Variants in NSMF observed in about 807,000 individuals in gnomAD.
NSMF encodes NMDA receptor synaptonuclear signaling and neuronal migration factor.
Under a neutral mutation model 71.0 loss-of-function variants are expected in NSMF, and 31 were observed. The ratio of observed to expected loss-of-function variants is 0.44; its 90% confidence interval spans 0.33 to 0.59. The LOEUF (loss-of-function observed/expected upper bound fraction) is 0.59, where lower values mean the gene tolerates loss of function less well. Among genes scored for constraint, NSMF ranks in the 20% least tolerant of loss-of-function variants. The pLI is 0.04. For synonymous variants in NSMF, 345 were observed against 287.1 expected (o/e 1.20, Z -2.04); for missense variants, 673 against 740.5 (o/e 0.91, Z 1.06).
chr9:137,449,735 G>C (rs539041001), intron 14 of NSMF, 61 bp from the exon 15 acceptor site: 25 of 1,485,870 alleles, frequency 1.7e-5, no homozygotes, highest in Non-Finnish European at 2.2e-5. Context: ...GAGCGGGGAG[G>C]AGATGGGGAG....
At chr9:137,454,486 G>A in intron 6 of NSMF, 43 bp from the exon 7 acceptor site, 1 of 1,549,478 alleles carries the variant, frequency 6.5e-7, no homozygotes, top group Non-Finnish European at 8.7e-7. Context: ...GTGAGAGGGT[G>A]ACGGCAGCCC....
At chr9:137,456,725 T>G (rs1830854979) in intron 3 of NSMF, among the ~76,000 whole-genome samples, 1 of 152,188 alleles carries the variant, frequency 6.6e-6, no homozygotes, top group Non-Finnish European at 1.5e-5. Context: ...GGCTTAACTT[T>G]CCCTTTGGCC....
rs1264171599 is a variant in NSMF at position 137,448,733 on chromosome 9, C to T, written c.*661G>A. 2.6e-5 allele frequency: 4 copies of T among 155,452 alleles called. No homozygotes were observed. The highest frequency in any genetic ancestry group is 3.9e-4 in the South Asian group (2 of 5,082). The allele number at this position is 155,452 out of a possible 1,614,324, so 9.6% of individuals were successfully genotyped here. A position where few individuals can be genotyped will look rare whatever the true frequency, so the allele number is the denominator to read the frequency against. On this transcript the variant is annotated 3_prime_UTR_variant, in exon 16 of 16. Coordinates refer to ENST00000371475, the MANE Select transcript of NSMF (RefSeq NM_001130969.3). This position sits in a 1 kb window ranked among gnomAD's most constrained non-coding sequence, Gnocchi z 5.3. ...CCCAGACTGCCCCTACCGGGTCCGG[C>T]GCCGGCTGAGGTCTAAGTAAGCAGG...
chr9:137,448,978 G>A lies in NSMF; in HGVS notation c.*416C>T, dbSNP rs1839754694. On this transcript the variant is annotated 3_prime_UTR_variant, in exon 16 of 16. Transcript: ENST00000371475. This position sits in a 1 kb window ranked among gnomAD's most constrained non-coding sequence, Gnocchi z 5.3. ...AACACATGTGGGCTGCTGGGCTGCT[G>A]GGCCGGGGTGCCTACACTGTAACTA... The A allele has an allele frequency of 3.1e-6, 1 of 325,480 alleles. No individual in the cohort carries two copies. Among genetic ancestry groups the A allele is most frequent in the Non-Finnish European group, 6.0e-6 (1 of 166,728 alleles). 20.2% of individuals were successfully genotyped at this position (325,480 alleles called of 1,614,324 possible).
chr9:137,455,253 C>G lies in NSMF; in HGVS notation c.765G>C (p.Ala255=), dbSNP rs755481003. 1.2e-6 allele frequency: 2 copies of G among 1,612,684 alleles called. No individual in the cohort carries two copies. Among genetic ancestry groups the G allele is most frequent in the Non-Finnish European group, 8.5e-7 (1 of 1,179,928 alleles). ...GCAGGCCCTACCTCTGGATTACAGA[C>G]GCGGAATCATTCTCCCGTTTCCGGC... ...RKRRKRENDS[A]SVIQRNFRKH... is the part of the protein sequence containing the mutation. Residue 255 remains alanine (A), a synonymous_variant, in exon 6 of 16, where the codon GCG becomes GCC. Coordinates refer to ENST00000371475, the MANE Select transcript of NSMF (RefSeq NM_001130969.3).
Position 137,458,053 on chromosome 9 carries a change from C to T in NSMF, c.134-152G>A, listed in dbSNP as rs554545368. On this transcript the variant is annotated intron_variant, in intron 2 of 15. Coordinates refer to ENST00000371475, the MANE Select transcript of NSMF (RefSeq NM_001130969.3). Reference sequence around the variant, plus strand: ...CCCTAGTCACTGGCGTGTTTCTGAGCCCCTCACTCCTATCTGGGCCTGAAG... The same window carrying T: ...CCCTAGTCACTGGCGTGTTTCTGAGTCCCTCACTCCTATCTGGGCCTGAAG... 1.4e-5 allele frequency: 16 copies of T among 1,117,664 alleles called. No individual in the cohort carries two copies. In the East Asian group the frequency reaches 3.9e-4, roughly 27 times the overall value. 69.2% of individuals were successfully genotyped at this position (1,117,664 alleles called of 1,614,324 possible).
chr9:137,457,061 C>T (rs530753448), intron 3 of NSMF, among the ~76,000 whole-genome samples: 3 of 152,258 alleles, frequency 2.0e-5, no homozygotes, highest in Admixed American at 6.5e-5. Flanking sequence ...CCAGGACTCT[C>T]GGAGGGCAGC....
intron 7 of NSMF, 34 bp downstream of exon 7, chr9:137,454,357 G>A (rs930538870): frequency 1.5e-5 from 23 of 1,544,060 alleles, no homozygotes; most frequent in East Asian, 4.9e-5. Flanking sequence ...CAAGCGCAAC[G>A]CCGCCCCCCC....
In NSMF at chr9:137,453,805, C is replaced by T. The variant is rs760545169; in HGVS notation, c.848G>A (p.Arg283His). The change falls in exon 8 of 16, where the codon CGC becomes CAC. Residue 283 changes from arginine (R) to histidine (H), a missense_variant. By Grantham distance (29) the Arg-to-His change is conservative (BLOSUM62 0). Around this residue, in one of 2 missense-constraint regions of NSMF, gnomAD observed 471 missense variants for 459.6 expected, o/e 1.02. Coordinates refer to ENST00000371475, the MANE Select transcript of NSMF (RefSeq NM_001130969.3). This position sits in a 1 kb window ranked among gnomAD's most constrained non-coding sequence, Gnocchi z 4.5. ...CCAGGACCGGCTGAAGCTCCGCTCG[C>T]GCCGCTCAGCGAACGCTGCAGAGAG... Reference protein sequence around the residue: ...RVKAQTFAERRERSFSRSWSD... With the variant: ...RVKAQTFAERHERSFSRSWSD... 21 of 1,593,502 alleles carry T rather than the reference C, an allele frequency of 1.3e-5. No individual in the cohort carries two copies. The highest frequency in any genetic ancestry group is 8.5e-5 in the Admixed American group (5 of 58,772).
chr9:137,453,815 C>T lies in NSMF; in HGVS notation c.838G>A (p.Ala280Thr). ...GSRRVKAQTF[A>T]ERRERSFSRS... Reference sequence around the variant, plus strand: ...CTGAAGCTCCGCTCGCGCCGCTCAGCGAACGCTGCAGAGAGCAAAACCCGC... The same window carrying T: ...CTGAAGCTCCGCTCGCGCCGCTCAGTGAACGCTGCAGAGAGCAAAACCCGC... The change falls in exon 8 of 16, where the codon GCT becomes ACT. Residue 280 changes from alanine to threonine, a missense_variant. Physicochemically the swap from Ala to Thr is moderately conservative, Grantham distance 58. Transcript: ENST00000371475. This position sits in a 1 kb window ranked among gnomAD's most constrained non-coding sequence, Gnocchi z 4.5. 1.3e-6 allele frequency: 2 copies of T among 1,589,592 alleles called. No homozygotes were observed. The highest frequency in any genetic ancestry group is 8.5e-7 in the Non-Finnish European group (1 of 1,174,942).
intron 12 of NSMF, 92 bp from the exon 13 acceptor site, chr9:137,450,347 T>C: frequency 9.5e-7 from 1 of 1,047,890 alleles, no homozygotes; most frequent in Admixed American, 1.7e-5. Flanking sequence ...GTAGTTTTGG[T>C]CTTCATCCCC....
At chr9:137,457,360 C>T (rs374303288) in intron 3 of NSMF, 47 bp downstream of exon 3, 45 of 1,611,546 alleles carry the variant, frequency 2.8e-5, no homozygotes, top group African/African-American at 1.9e-4. Flanking sequence ...ACCCTGGCAG[C>T]GGCATGCACC....
At position 137,448,944 on chromosome 9, in the gene NSMF, A is replaced by AG. The variant is rs1839750568; in HGVS notation, c.*449dup. 1 of 251,756 alleles carries AG rather than the reference A, an allele frequency of 4.0e-6. No individual in the cohort carries two copies. The highest frequency in any genetic ancestry group is 7.8e-6 in the Non-Finnish European group (1 of 128,786). The allele number at this position is 251,756 out of a possible 1,614,324, so 15.6% of individuals were successfully genotyped here. ...TACGGCAGGGAGGGGGTGGGCAGGG[A>AG]GGGTCCTGAACACATGTGGGCTGCT... On this transcript the variant is annotated 3_prime_UTR_variant, in exon 16 of 16. Coordinates refer to ENST00000371475, the MANE Select transcript of NSMF (RefSeq NM_001130969.3). This position sits in a 1 kb window ranked among gnomAD's most constrained non-coding sequence, Gnocchi z 5.3.
rs561251664 is a variant in NSMF at position 137,457,531 on chromosome 9, G to A, written c.504C>T (p.Pro168=). ...GGCCAGGAGCCAGCTGGGCACATCC[G>A]GGGCACTCCTTGGAGCCCTGGCGGC... The part of the protein sequence containing the change: ...AGSRQGSKEC[P]GCAQLAPGPT... The change falls in exon 3 of 16, where the codon CCC becomes CCT. Residue 168 remains proline (P), a synonymous_variant. Coordinates refer to ENST00000371475, the MANE Select transcript of NSMF (RefSeq NM_001130969.3). 249 of 1,606,654 alleles carry A rather than the reference G, an allele frequency of 1.5e-4. No individual in the cohort carries two copies. The highest frequency in any genetic ancestry group is 4.2e-4 in the Admixed American group (25 of 59,296).
Position 137,448,048 on chromosome 9 carries a change from C to T in NSMF, c.*1346G>A, listed in dbSNP as rs1461835366. 3 of 152,532 alleles carry T rather than the reference C, an allele frequency of 2.0e-5. No individual in the cohort carries two copies. Among genetic ancestry groups the T allele is most frequent in the Admixed American group, 2.0e-4 (3 of 15,262 alleles). 9.4% of individuals were successfully genotyped at this position (152,532 alleles called of 1,614,324 possible). On this transcript the variant is annotated 3_prime_UTR_variant, in exon 16 of 16. Coordinates refer to ENST00000371475, the MANE Select transcript of NSMF (RefSeq NM_001130969.3). This position sits in a 1 kb window ranked among gnomAD's most constrained non-coding sequence, Gnocchi z 5.3. ...TCCCCCCAGCCCTCCTGCAGCTCCT[C>T]TCCGTCCCCTCCTGTGCTGGTCCCC...
chr9:137,450,423 GCC>G (rs1469821918), intron 12 of NSMF, among the ~76,000 whole-genome samples, 168 bp from the exon 13 acceptor site: 1 of 39,732 alleles, frequency 2.5e-5, no homozygotes, highest in African/African-American at 1.1e-4. Context: ...CCCACCACAC[GCC>G]TCTTCCCTTT....
intron 6 of NSMF, chr9:137,454,780 C>A: frequency 7.1e-7 from 1 of 1,400,714 alleles, no homozygotes; most frequent in Admixed American, 2.3e-5. Context: ...GCAGAGGATC[C>A]AGCCTGCCTG....
chr9:137,452,909 C>G, intron 9 of NSMF, 90 bp from the exon 10 acceptor site: 1 of 1,553,664 alleles, frequency 6.4e-7, no homozygotes, highest in South Asian at 1.1e-5. Flanking sequence ...TTCTGGCTGC[C>G]AGGCAGCCCA....
chr9:137,459,093 C>T lies in NSMF; in HGVS notation c.10G>A (p.Ala4Thr). Residue 4 changes from alanine to threonine, a missense_variant, in exon 1 of 16, where the codon GCC becomes ACC. Coordinates refer to ENST00000371475, the MANE Select transcript of NSMF (RefSeq NM_001130969.3). MGA[A>T]ASRRRALRSE... ...CTCAGCGCCCTCCTCCTGGAGGCGG[C>T]GGCGCCCATGGTCGAGGCGGCGGCG... The T allele has an allele frequency of 1.6e-6, 2 of 1,221,290 alleles. No individual in the cohort carries two copies. The highest frequency in any genetic ancestry group is 1.6e-5 in the African/African-American group (1 of 62,988). 75.7% of individuals were successfully genotyped at this position (1,221,290 alleles called of 1,614,324 possible). A position where few individuals can be genotyped will look rare whatever the true frequency, so the allele number is the denominator to read the frequency against.
Sources: gnomAD v4.1 joint callset for allele counts (sites outside exome capture counted in the v4.1 genomes callset) on GRCh38, gnomAD v4.1.1 for gene constraint, gnomAD v4.1.1 regional missense constraint, Gnocchi (gnomAD v3.1) non-coding constraint, MANE v1.5 for transcripts, NCBI Gene and HGNC (gene_info 2026-07-23, HGNC 2026-07-21) for gene names.